Variants in NCOA2 observed in about 807,000 individuals in gnomAD.
NCOA2 encodes class E basic helix-loop-helix protein 75.
In NCOA2, 21 loss-of-function variants were observed where a neutral mutation model predicts 145.1. The ratio of observed to expected loss-of-function variants is 0.14; its 90% CI spans 0.10 to 0.21. NCOA2 has a LOEUF of 0.21. Ranked by LOEUF, NCOA2 falls within the 10% of genes least tolerant of loss-of-function variation. NCOA2 has a pLI of 1.00. For synonymous variants in NCOA2, 619 were observed against 637.5 expected (o/e 0.97, Z 0.44); for missense variants, 1,472 against 1,837.6 (o/e 0.80, Z 3.64).
At chr8:70,430,155 T>C in the NCOA2 span, among the ~76,000 whole-genome samples, 1 of 152,214 alleles carries the variant, frequency 6.6e-6, no homozygotes, top group Non-Finnish European at 1.5e-5. Flanking sequence ...GCCCAACCTG[T>C]ATTTTTTAAT....
intron 2 of NCOA2, among the ~76,000 whole-genome samples, chr8:70,237,338 A>C (rs1163110998): frequency 6.6e-6 from 1 of 152,040 alleles, no homozygotes; most frequent in Non-Finnish European, 1.5e-5. Flanking sequence ...CCTCTAGGAC[A>C]CTGCCTCATT....
rs1011534955 is a variant in NCOA2 at position 70,315,573 on chromosome 8, T to C, written c.-76-18773A>G. Among the ~76,000 whole-genome samples, 6 of 152,166 alleles carry C rather than the reference T, an allele frequency of 3.9e-5. No homozygotes were observed. In the South Asian group the frequency reaches 1.2e-3, roughly 32 times the overall value. ...GGAAGTCGCCTATAAAACTTGACAC[T>C]ATAAACAAATACAGAAGTATCTCTT... On this transcript the variant is annotated intron_variant, in intron 1 of 22. Coordinates refer to ENST00000452400, the MANE Select transcript of NCOA2 (RefSeq NM_006540.4).
the NCOA2 span, among the ~76,000 whole-genome samples, chr8:70,450,213 T>A: frequency 6.6e-6 from 1 of 152,202 alleles, no homozygotes; most frequent in Non-Finnish European, 1.5e-5. Context: ...AACTATTACA[T>A]CCTGAACAAA....
At chr8:70,384,270 A>AAC (rs531600678) in intron 1 of NCOA2, among the ~76,000 whole-genome samples, 1 of 151,950 alleles carries the variant, frequency 6.6e-6, no homozygotes, top group Non-Finnish European at 1.5e-5. Flanking sequence ...AAAAAAAAAA[A>AAC]ACACACACAC....
chr8:70,456,286 A>T, the NCOA2 span, among the ~76,000 whole-genome samples: 130 of 152,294 alleles, frequency 8.5e-4, 3 homozygotes, highest in East Asian at 0.023. Context: ...ATAAGGGCTA[A>T]ATTTAATTCG....
intron 1 of NCOA2, among the ~76,000 whole-genome samples, chr8:70,384,864 TC>T (rs2131505766): frequency 6.6e-6 from 1 of 152,268 alleles, no homozygotes; most frequent in African/African-American, 2.4e-5. Flanking sequence ...TCTTTGTCCT[TC>T]CCCACTCCCA....
At chr8:70,239,106 T>C (rs997648810) in intron 2 of NCOA2, among the ~76,000 whole-genome samples, 2 of 152,170 alleles carry the variant, frequency 1.3e-5, no homozygotes, top group African/African-American at 4.8e-5. Flanking sequence ...TCTGATAACA[T>C]TTCTAATCAA....
At chr8:70,170,479 A>C in intron 5 of NCOA2, 100 bp from the exon 6 acceptor site, 1 of 1,048,646 alleles carries the variant, frequency 9.5e-7, no homozygotes, top group Non-Finnish European at 1.3e-6. Flanking sequence ...CACAATTCAC[A>C]CACAGATAGA....
chr8:70,114,803 C>T (rs555234690), intron 22 of NCOA2, among the ~76,000 whole-genome samples: 7 of 152,292 alleles, frequency 4.6e-5, no homozygotes, highest in Non-Finnish European at 7.3e-5. Flanking sequence ...AGAGAGGAAG[C>T]CAGCTCCAAA....
chr8:70,362,025 T>C (rs1301248252), intron 1 of NCOA2, among the ~76,000 whole-genome samples: 1 of 152,224 alleles, frequency 6.6e-6, no homozygotes, highest in African/African-American at 2.4e-5. Flanking sequence ...CTTTACAATT[T>C]TGACAGAGAA....
At chr8:70,323,198 T>C (rs1308032500) in intron 1 of NCOA2, among the ~76,000 whole-genome samples, 3 of 152,180 alleles carry the variant, frequency 2.0e-5, no homozygotes, top group Non-Finnish European at 4.4e-5. Context: ...TTCTAAAAAG[T>C]TGCATTCACA....
the NCOA2 span, among the ~76,000 whole-genome samples, chr8:70,450,047 G>A: frequency 6.6e-6 from 1 of 152,138 alleles, no homozygotes; most frequent in African/African-American, 2.4e-5. Flanking sequence ...CTCTAATGGG[G>A]TGATAACGTA....
rs756448629 is a variant in NCOA2 at position 70,262,144 on chromosome 8, T to C, written c.-20+34600A>G. 5.3e-5 allele frequency among the ~76,000 whole-genome samples: 8 copies of C among 152,308 alleles called. 1 individual carries two copies. Among genetic ancestry groups the C allele is most frequent in the Middle Eastern group, 3.4e-3 (1 of 294 alleles). On this transcript the variant is annotated intron_variant, in intron 2 of 22. Coordinates refer to ENST00000452400, the MANE Select transcript of NCOA2 (RefSeq NM_006540.4). The stretch of plus-strand genomic sequence containing the variant: ...TAATTTTGAGACCAGCGAATATTTA[T>C]TGAGTGCTTATTAAGTGCTAAGCCT...
chr8:70,207,862 CAAAAAAAAAAAAA>C lies in NCOA2; in HGVS notation c.259+6028_259+6040del, dbSNP rs754670876. Among the ~76,000 whole-genome samples, 6 of 36,208 alleles carry C rather than the reference CAAAAAAAAAAAAA, an allele frequency of 1.7e-4. 1 individual carries two copies. The highest frequency in any genetic ancestry group is 5.4e-4 in the African/African-American group (5 of 9,222). 23.8% of individuals were successfully genotyped at this position (36,208 alleles called of 152,430 possible). On this transcript the variant is annotated intron_variant, in intron 4 of 22. Transcript: ENST00000452400. ...TGGGTGACAGAGCCTGACTCCACCTCAAAAAAAAAAAAAAAAAAAAAAAAGAAGAAGAAGAAGA... is the reference window on the plus strand; with the variant it reads ...TGGGTGACAGAGCCTGACTCCACCTCAAAAAAAAAAAGAAGAAGAAGAAGA...
intron 2 of NCOA2, among the ~76,000 whole-genome samples, chr8:70,294,014 T>C (rs1001824112): frequency 6.6e-6 from 1 of 152,162 alleles, no homozygotes; most frequent in African/African-American, 2.4e-5. Flanking sequence ...TAAGGTATAT[T>C]CAACAAAGTT....
intron 2 of NCOA2, among the ~76,000 whole-genome samples, chr8:70,278,378 T>C (rs1462865832): frequency 6.6e-6 from 1 of 152,234 alleles, no homozygotes; most frequent in African/African-American, 2.4e-5. Context: ...CATTCTCATA[T>C]TCACGTTCCA....
intron 22 of NCOA2, among the ~76,000 whole-genome samples, chr8:70,115,764 G>C (rs1185768265): frequency 6.6e-6 from 1 of 152,100 alleles, no homozygotes; most frequent in Non-Finnish European, 1.5e-5. Context: ...GAATCTTCTG[G>C]TTAGGTCAAA....
chr8:70,442,463 G>A, the NCOA2 span, among the ~76,000 whole-genome samples: 1 of 152,112 alleles, frequency 6.6e-6, no homozygotes, highest in African/African-American at 2.4e-5. Context: ...CACCATTCTT[G>A]TATATTAACC....
At chr8:70,335,690 A>G (rs973336085) in intron 1 of NCOA2, among the ~76,000 whole-genome samples, 1 of 152,210 alleles carries the variant, frequency 6.6e-6, no homozygotes, top group East Asian at 1.9e-4. Flanking sequence ...GTAGAATCAT[A>G]CACTACAGTC....
Sources: gnomAD v4.1 joint callset for allele counts (sites outside exome capture counted in the v4.1 genomes callset) on GRCh38, gnomAD v4.1.1 for gene constraint, MANE v1.5 for transcripts, NCBI Gene and HGNC (gene_info 2026-07-23, HGNC 2026-07-21) for gene names.